The following ZNF93 variants were observed in gnomAD, a reference collection of about 807,000 sequenced individuals.
ZNF93 encodes zinc finger protein 93, also known as zinc finger protein 505.
In ZNF93, 29 loss-of-function variants were observed where a neutral mutation model predicts 45.0. The observed-to-expected ratio is 0.64, with a 90% confidence interval of 0.48 to 0.88. ZNF93 has a LOEUF of 0.88. ZNF93 is among the 40% of genes least tolerant of loss of function. ZNF93 has a pLI of 0.00. For missense variants in ZNF93, 578 were observed against 724.0 expected, an observed-to-expected ratio of 0.80 and a Z score of 2.31; for synonymous variants, 223 against 244.6, an observed-to-expected ratio of 0.91 and a Z score of 0.82.
In ZNF93 at chr19:19,934,118, A is replaced by G; in HGVS notation, c.1163A>G (p.Lys388Arg). 1.2e-6 allele frequency: 2 copies of G among 1,611,514 alleles called. No individual in the cohort carries two copies. Among genetic ancestry groups the G allele is most frequent in the Admixed American group, 1.7e-5 (1 of 58,730 alleles). Residue 388 changes from lysine to arginine, a missense_variant, in exon 4 of 4, where the codon AAG becomes AGG. By Grantham distance (26) the Lys-to-Arg change is conservative. This residue lies in a region of ZNF93 where 446 missense variants were observed against 547.6 expected (regional missense o/e 0.81). Coordinates refer to ENST00000343769, the MANE Select transcript of ZNF93 (RefSeq NM_031218.4). ...TGGTCCTCAGTCCTAACTAGACATAAGAGAGTTCATACTGGAGAGAAGCCC... is the reference window on the plus strand; with the variant it reads ...TGGTCCTCAGTCCTAACTAGACATAGGAGAGTTCATACTGGAGAGAAGCCC... The part of the protein sequence containing the change: ...FIWSSVLTRH[K>R]RVHTGEKPYK...
At chr19:19,909,013 A>C (rs911386448) in intron 1 of ZNF93, 1 of 152,514 alleles carries the variant, frequency 6.6e-6, no homozygotes, top group Non-Finnish European at 1.5e-5. Context: ...CTCATGCTGA[A>C]AATTCAGAAG....
intron 3 of ZNF93, among the ~76,000 whole-genome samples, chr19:19,924,482 T>G (rs2063350780): frequency 1.3e-5 from 2 of 152,204 alleles, no homozygotes; most frequent in African/African-American, 4.8e-5. Flanking sequence ...AATATAGTTT[T>G]GTATTGGTGT....
chr19:19,930,411 T>C (rs1165678763), intron 3 of ZNF93, among the ~76,000 whole-genome samples: 2 of 152,278 alleles, frequency 1.3e-5, no homozygotes, highest in African/African-American at 4.8e-5. Flanking sequence ...CAGGCCTGAC[T>C]GATGTCAGGC....
At chr19:19,912,049 G>A (rs1372202037) in intron 1 of ZNF93, among the ~76,000 whole-genome samples, 2 of 151,940 alleles carry the variant, frequency 1.3e-5, no homozygotes, top group Non-Finnish European at 2.9e-5. Flanking sequence ...GCGCTTGGCC[G>A]TATATTTTCT....
Position 19,934,321 on chromosome 19 carries a change from G to T in ZNF93, c.1366G>T (p.Glu456Ter). The T allele has an allele frequency of 6.2e-7, 1 of 1,612,256 alleles. No homozygotes were observed. The highest frequency in any genetic ancestry group is 1.1e-5 in the South Asian group (1 of 91,046). ...TACTGGAAAGAAACCCTACAAGTGT[G>T]AAGAATGTGGCAAAGCTTTTAACCA... ...IHTGKKPYKCEECGKAFNQSS... is the reference protein window; with the variant it reads ...IHTGKKPYKC The change falls in exon 4 of 4, where the codon GAA (glutamate) becomes TAA (stop). Residue 456 changes from glutamate to a stop codon, truncating the protein, a stop_gained. Transcript: ENST00000343769. LOFTEE classifies it high-confidence loss of function.
At chr19:19,925,402 T>G (rs1311715317) in intron 3 of ZNF93, among the ~76,000 whole-genome samples, 1 of 152,232 alleles carries the variant, frequency 6.6e-6, no homozygotes, top group Non-Finnish European at 1.5e-5. Context: ...TGAACCATAA[T>G]GCCTGGTTTT....
chr19:19,909,387 G>A (rs1482214188), intron 1 of ZNF93: 3 of 152,230 alleles, frequency 2.0e-5, no homozygotes, highest in Admixed American at 2.0e-4. Context: ...TGAAAGCCTA[G>A]CTTCAGCAGA....
At chr19:19,922,582 A>G (rs997132637) in intron 3 of ZNF93, among the ~76,000 whole-genome samples, 5 of 152,134 alleles carry the variant, frequency 3.3e-5, no homozygotes, top group African/African-American at 4.8e-5. Flanking sequence ...CACTAATCAG[A>G]TGTAGATTTG....
Position 19,934,031 on chromosome 19 carries a change from A to C in ZNF93, c.1076A>C (p.His359Pro). ...ATTGCATCCTCAACCCTTAGTAGACATGAGTTCATTCATATGGGAAAGAAA... is the reference window on the plus strand; with the variant it reads ...ATTGCATCCTCAACCCTTAGTAGACCTGAGTTCATTCATATGGGAAAGAAA... ...AFIASSTLSR[H>P]EFIHMGKKHY... The change falls in exon 4 of 4, where the codon CAT becomes CCT. Residue 359 changes from histidine to proline, a missense_variant. His to Pro is a moderately conservative substitution (Grantham distance 77). Transcript: ENST00000343769. The C allele has an allele frequency of 1.2e-6, 2 of 1,613,340 alleles. No homozygotes were observed. The highest frequency in any genetic ancestry group is 1.7e-6 in the Non-Finnish European group (2 of 1,179,678).
intron 3 of ZNF93, among the ~76,000 whole-genome samples, chr19:19,922,924 T>C (rs1345936450): frequency 6.6e-6 from 1 of 152,252 alleles, no homozygotes; most frequent in East Asian, 1.9e-4. Flanking sequence ...GTCTGAAGCC[T>C]TCTCTTAACT....
Position 19,910,237 on chromosome 19 carries a change from C to G in ZNF93, c.4-5043C>G, listed in dbSNP as rs13344370. Among the ~76,000 whole-genome samples the G allele has an allele frequency of 5.3e-5, 8 of 152,030 alleles. No homozygotes were observed. The South Asian group carries it at 1.5e-3, about 28-fold the overall frequency. On this transcript the variant is annotated intron_variant, in intron 1 of 3. Transcript: ENST00000343769. ...GAGATTTGGGGGAAAAAAAAACTTACCTAAGAAATGCAAGTCCCTTTGGTT... is the reference window on the plus strand; with the variant it reads ...GAGATTTGGGGGAAAAAAAAACTTAGCTAAGAAATGCAAGTCCCTTTGGTT...
chr19:19,909,843 T>C (rs1427337617), intron 1 of ZNF93, among the ~76,000 whole-genome samples: 1 of 152,248 alleles, frequency 6.6e-6, no homozygotes, highest in Non-Finnish European at 1.5e-5. Flanking sequence ...CGCAGCAAAA[T>C]GCATGCTGTC....
rs111841892 is a variant in ZNF93, at chr19:19,930,769, C to G, written c.227-2413C>G. Among the ~76,000 whole-genome samples the G allele has an allele frequency of 4.1e-3, 617 of 152,244 alleles. 6 individuals carry two copies. The highest frequency in any genetic ancestry group is 0.014 in the African/African-American group (592 of 41,538). ...TGGAATAAAAAGTAATTGCTACCAACTAATGATTAATGATATTCATATATA... is the reference window on the plus strand; with the variant it reads ...TGGAATAAAAAGTAATTGCTACCAAGTAATGATTAATGATATTCATATATA... On this transcript the variant is annotated intron_variant, in intron 3 of 3. Coordinates refer to ENST00000343769, the MANE Select transcript of ZNF93 (RefSeq NM_031218.4).
chr19:19,902,241 A>T (rs1165289983), intron 1 of ZNF93, among the ~76,000 whole-genome samples: 1 of 151,804 alleles, frequency 6.6e-6, no homozygotes, highest in African/African-American at 2.4e-5. Flanking sequence ...TAAGGCTAAT[A>T]TTAAGCCTAA....
At chr19:19,902,824 C>A (rs1373276544) in intron 1 of ZNF93, among the ~76,000 whole-genome samples, 1 of 151,258 alleles carries the variant, frequency 6.6e-6, no homozygotes, top group Non-Finnish European at 1.5e-5. Context: ...GCAAGCTCCG[C>A]CTCCCGGGTT....
At chr19:19,915,209 A>G in intron 1 of ZNF93, 71 bp from the exon 2 acceptor site, 1 of 1,609,900 alleles carries the variant, frequency 6.2e-7, no homozygotes. Flanking sequence ...TTACTCTCTC[A>G]TTTCACCTTA....
intron 3 of ZNF93, among the ~76,000 whole-genome samples, chr19:19,930,214 G>A (rs2122194964): frequency 6.6e-6 from 1 of 152,102 alleles, no homozygotes; most frequent in Non-Finnish European, 1.5e-5. Flanking sequence ...GAGAGAGAGG[G>A]AGAGAGAGAG....
At chr19:19,921,623 G>C (rs2063342704) in intron 3 of ZNF93, among the ~76,000 whole-genome samples, 3 of 152,042 alleles carry the variant, frequency 2.0e-5, no homozygotes, top group Non-Finnish European at 4.4e-5. Flanking sequence ...GAATCTGGGT[G>C]CTCCTGTATT....
intron 1 of ZNF93, among the ~76,000 whole-genome samples, chr19:19,901,513 T>A (rs1238393592): frequency 6.6e-6 from 1 of 152,100 alleles, no homozygotes; most frequent in Non-Finnish European, 1.5e-5. Flanking sequence ...GGTGGCTCAC[T>A]CCTGTAATCG....
Sources: allele counts gnomAD v4.1 joint callset (sites outside exome capture counted in the v4.1 genomes callset), GRCh38; gene constraint gnomAD v4.1.1; regional missense constraint gnomAD v4.1.1; transcripts MANE v1.5; gene names NCBI Gene and HGNC (gene_info 2026-07-23, HGNC 2026-07-21).